Variants in GPC6 observed in about 807,000 individuals in gnomAD.
GPC6 encodes the protein glypican 6, also known as glypican-6.
GPC6 carries 14 observed loss-of-function variants against 55.2 expected under a neutral mutation model. The ratio of observed to expected loss-of-function variants is 0.25; its 90% CI spans 0.17 to 0.40. The LOEUF (loss-of-function observed/expected upper bound fraction) is 0.40, where lower values mean the gene tolerates loss of function less well. Among genes scored for constraint, GPC6 ranks in the 10% least tolerant of loss-of-function variants. GPC6 has a pLI of 1.00. For synonymous variants in GPC6, 278 were observed against 259.6 expected, an observed-to-expected ratio of 1.07 and a Z score of -0.68; for missense variants, 641 against 708.5, an observed-to-expected ratio of 0.90 and a Z score of 1.08.
intron 2 of GPC6, among the ~76,000 whole-genome samples, chr13:93,678,480 A>G (rs1485720737): frequency 6.6e-6 from 1 of 152,182 alleles, no homozygotes; most frequent in African/African-American, 2.4e-5. Flanking sequence ...GCATGTCTGA[A>G]TGTAACTAAG....
rs554582233 is a variant in GPC6, at chr13:93,721,577, G to A, written c.320-108577G>A. ...AGGATGAACAGATGGTCTTAACACA[G>A]CTGGAAGTATTAGGATGAAATTCTG... On this transcript the variant is annotated intron_variant, in intron 2 of 8. Transcript: ENST00000377047. Among the ~76,000 whole-genome samples the A allele has an allele frequency of 2.0e-5, 3 of 151,866 alleles. No homozygotes were observed. In the South Asian group the frequency reaches 6.2e-4, roughly 31 times the overall value.
At chr13:93,921,258 G>A (rs1285062378) in intron 3 of GPC6, among the ~76,000 whole-genome samples, 1 of 152,116 alleles carries the variant, frequency 6.6e-6, no homozygotes, top group African/African-American at 2.4e-5. Flanking sequence ...TTTTGGCTCC[G>A]GCCCCACAGT....
chr13:93,481,511 G>T (rs1879519664), intron 1 of GPC6, among the ~76,000 whole-genome samples: 1 of 151,860 alleles, frequency 6.6e-6, no homozygotes, highest in Admixed American at 6.6e-5. Flanking sequence ...CCAAGATTAT[G>T]GATCTTTACT....
intron 1 of GPC6, among the ~76,000 whole-genome samples, chr13:93,380,455 G>A (rs1478795095): frequency 1.3e-5 from 2 of 152,182 alleles, no homozygotes; most frequent in South Asian, 2.1e-4. Flanking sequence ...CCAGGGTGAT[G>A]CGTAAAGAGA....
intron 1 of GPC6, among the ~76,000 whole-genome samples, chr13:93,332,452 C>T (rs111831759): frequency 0.033 from 5,016 of 151,846 alleles, 289 homozygotes; most frequent in African/African-American, 0.11. Context: ...TTTGCATTTC[C>T]GTGATGATTA....
chr13:93,341,776 A>G (rs1460411604), intron 1 of GPC6, among the ~76,000 whole-genome samples: 2 of 142,930 alleles, frequency 1.4e-5, no homozygotes, highest in Non-Finnish European at 3.1e-5. Context: ...GTGTTTTTGC[A>G]TTTGTTTTTG....
At chr13:94,141,875 G>A (rs1221240234) in intron 4 of GPC6, among the ~76,000 whole-genome samples, 2 of 152,180 alleles carry the variant, frequency 1.3e-5, no homozygotes, top group African/African-American at 2.4e-5. Context: ...CTAGCATGTT[G>A]CCCATTCTGG....
At chr13:94,272,224 T>G (rs1892050675) in intron 4 of GPC6, among the ~76,000 whole-genome samples, 2 of 151,988 alleles carry the variant, frequency 1.3e-5, no homozygotes, top group South Asian at 4.2e-4. Flanking sequence ...ATTTATTTAT[T>G]TTTTATTGGT....
intron 2 of GPC6, among the ~76,000 whole-genome samples, chr13:93,775,669 A>C (rs1271193604): frequency 6.6e-6 from 1 of 152,150 alleles, no homozygotes; most frequent in Non-Finnish European, 1.5e-5. Context: ...AGGGTTGATG[A>C]CATTTTCAAA....
Position 93,696,152 on chromosome 13 carries a change from A to C in GPC6, c.320-134002A>C, listed in dbSNP as rs371968249. 7.2e-5 allele frequency among the ~76,000 whole-genome samples: 11 copies of C among 152,314 alleles called. 1 individual carries two copies. The East Asian group carries it at 1.9e-3, about 27-fold the overall frequency. On this transcript the variant is annotated intron_variant, in intron 2 of 8. Coordinates refer to ENST00000377047, the MANE Select transcript of GPC6 (RefSeq NM_005708.5). Reference sequence around the variant, plus strand: ...ACATGCTGTAATGAGATTATAATCCAAGAAAATGTTATATTTCTATGCTTA... The same window carrying C: ...ACATGCTGTAATGAGATTATAATCCCAGAAAATGTTATATTTCTATGCTTA...
At chr13:94,156,224 T>A (rs1368664434) in intron 4 of GPC6, among the ~76,000 whole-genome samples, 2 of 152,170 alleles carry the variant, frequency 1.3e-5, no homozygotes, top group African/African-American at 4.8e-5. Context: ...CTAGCATTAT[T>A]GTGGACTGCT....
At chr13:93,837,065 G>A (rs180852573) in intron 3 of GPC6, among the ~76,000 whole-genome samples, 1 of 152,256 alleles carries the variant, frequency 6.6e-6, no homozygotes, top group East Asian at 1.9e-4. Flanking sequence ...TATAGCCTAG[G>A]TATGTAAATA....
intron 1 of GPC6, among the ~76,000 whole-genome samples, chr13:93,431,709 G>A (rs1253430895): frequency 6.6e-6 from 1 of 152,018 alleles, no homozygotes; most frequent in Non-Finnish European, 1.5e-5. Context: ...CTAGGAGCCT[G>A]GATATTAAGA....
intron 1 of GPC6, among the ~76,000 whole-genome samples, chr13:93,453,506 C>A (rs1258266646): frequency 2.6e-5 from 4 of 151,540 alleles, no homozygotes; most frequent in Non-Finnish European, 4.4e-5. Flanking sequence ...TTGGTGGGTT[C>A]TTGGTCTCAC....
Position 94,193,485 on chromosome 13 carries a change from C to T in GPC6, c.878-92864C>T, listed in dbSNP as rs146154706. On this transcript the variant is annotated intron_variant, in intron 4 of 8. Transcript: ENST00000377047. ...CAAAAATAAAAATTTCTAAGTGGCACTCATAATAACAGAACTTGAGGCAAA... is the reference window on the plus strand; with the variant it reads ...CAAAAATAAAAATTTCTAAGTGGCATTCATAATAACAGAACTTGAGGCAAA... 3.7e-4 allele frequency among the ~76,000 whole-genome samples: 57 copies of T among 152,244 alleles called. No homozygotes were observed. The East Asian group carries it at 9.3e-3, about 25-fold the overall frequency.
chr13:94,073,871 T>G (rs752232089), intron 4 of GPC6, among the ~76,000 whole-genome samples: 1 of 152,180 alleles, frequency 6.6e-6, no homozygotes, highest in Non-Finnish European at 1.5e-5. Context: ...CTTGGGAAAA[T>G]GAGATCACAG....
At chr13:93,971,357 C>A (rs1880276399) in intron 3 of GPC6, among the ~76,000 whole-genome samples, 1 of 152,146 alleles carries the variant, frequency 6.6e-6, no homozygotes, top group African/African-American at 2.4e-5. Flanking sequence ...TTGGAAGTTT[C>A]TTTTACCAAT....
chr13:93,346,375 G>A (rs577890773), intron 1 of GPC6, among the ~76,000 whole-genome samples: 1 of 152,292 alleles, frequency 6.6e-6, no homozygotes, highest in Non-Finnish European at 1.5e-5. Context: ...TAGCCATTAA[G>A]AAATCAGTAG....
chr13:93,433,514 T>C (rs1877450187), intron 1 of GPC6, among the ~76,000 whole-genome samples: 1 of 152,216 alleles, frequency 6.6e-6, no homozygotes, highest in Non-Finnish European at 1.5e-5. Context: ...CTGTCTTTTC[T>C]GAGCCCCAGG....
Sources: allele counts gnomAD v4.1 joint callset (sites outside exome capture counted in the v4.1 genomes callset), GRCh38; gene constraint gnomAD v4.1.1; transcripts MANE v1.5; gene names NCBI Gene and HGNC (gene_info 2026-07-23, HGNC 2026-07-21).